Variants in DROSHA observed in about 807,000 individuals in gnomAD.
The protein encoded by DROSHA is drosha ribonuclease III, also known as ribonuclease 3.
Under a neutral mutation model 181.9 loss-of-function variants are expected in DROSHA, and 56 were observed. That is an observed-to-expected ratio of 0.31 (90% CI 0.25 to 0.38). DROSHA has a LOEUF of 0.38. Ranked by LOEUF, DROSHA falls within the 10% of genes least tolerant of loss-of-function variation. DROSHA has a pLI of 1.00. For synonymous variants in DROSHA, 524 were observed against 591.2 expected, an observed-to-expected ratio of 0.89 and a Z score of 1.65; for missense variants, 1,218 against 1,743.5, an observed-to-expected ratio of 0.70 and a Z score of 5.37.
rs1318147647 is a variant in DROSHA at position 31,448,611 on chromosome 5, TTTAAAA to T, written c.2822-10_2822-5del. On this transcript the variant is annotated splice_polypyrimidine_tract_variant and splice_region_variant and intron_variant, in intron 22 of 35. Coordinates refer to ENST00000344624, the MANE Select transcript of DROSHA (RefSeq NM_001382508.1). ...ATATTTATCAAGGTGTTAATCCCTATTTAAAATAAAAAACAAATACACAAGTAAATA... is the reference window on the plus strand; with the variant it reads ...ATATTTATCAAGGTGTTAATCCCTATTAAAAAACAAATACACAAGTAAATA... The T allele has an allele frequency of 6.2e-7, 1 of 1,611,838 alleles. No individual in the cohort carries two copies. The highest frequency in any genetic ancestry group is 8.5e-7 in the Non-Finnish European group (1 of 1,178,428).
Position 31,521,170 on chromosome 5 carries a change from T to C in DROSHA, c.900A>G (p.Ser300=). 4.3e-6 allele frequency: 7 copies of C among 1,613,736 alleles called. No individual in the cohort carries two copies. The highest frequency in any genetic ancestry group is 5.9e-6 in the Non-Finnish European group (7 of 1,179,674). ...TTTTGTAGGACCTTTCCAGAGATGG[T>C]GATCTTCGGTTGTCTCGATGCCTGT... ...ERHRHRDNRR[S]PSLERSYKKE... is the part of the protein sequence containing the mutation. The change falls in exon 6 of 36, where the codon TCA becomes TCG. Residue 300 remains serine, a synonymous_variant. Transcript: ENST00000344624.
At position 31,504,537 on chromosome 5, in the gene DROSHA, A is replaced by G. The variant is rs1737679798; in HGVS notation, c.1668+18T>C. On this transcript the variant is annotated intron_variant, in intron 11 of 35. Transcript: ENST00000344624. ...TGGCTTCTCAGCATTTACAAACATA[A>G]TAACCCAAACCAGTTACCTCTTCTC... 1.1e-5 allele frequency: 17 copies of G among 1,613,560 alleles called. No homozygotes were observed. The highest frequency in any genetic ancestry group is 1.3e-5 in the African/African-American group (1 of 74,914).
chr5:31,404,068 C>G (rs1409238239), intron 35 of DROSHA, among the ~76,000 whole-genome samples: 1 of 151,038 alleles, frequency 6.6e-6, no homozygotes, highest in African/African-American at 2.5e-5. Context: ...TAAGTGCATG[C>G]CACCAAGCCT....
At chr5:31,479,774 T>G (rs1367916684) in intron 16 of DROSHA, among the ~76,000 whole-genome samples, 1 of 152,132 alleles carries the variant, frequency 6.6e-6, no homozygotes, top group Non-Finnish European at 1.5e-5. Flanking sequence ...TATATTTGAA[T>G]AGCATATGTA....
At chr5:31,436,764 ACACACACACAC>A (rs1744873021) in intron 24 of DROSHA, among the ~76,000 whole-genome samples, 1 of 143,040 alleles carries the variant, frequency 7.0e-6, no homozygotes, top group Non-Finnish European at 1.5e-5. Flanking sequence ...ACACACACAC[ACACACACACAC>A]ACACACACAC....
intron 5 of DROSHA, among the ~76,000 whole-genome samples, chr5:31,524,134 G>A (rs1740251255): frequency 6.6e-6 from 1 of 152,124 alleles, no homozygotes; most frequent in Non-Finnish European, 1.5e-5. Context: ...CCAGAAATGA[G>A]TCATCCCTAC....
chr5:31,486,364 T>C (rs1751754549), intron 14 of DROSHA, 127 bp downstream of exon 14: 5 of 875,314 alleles, frequency 5.7e-6, no homozygotes, highest in South Asian at 3.7e-5. Flanking sequence ...CTTTCAACAG[T>C]GAATATGATA....
intron 30 of DROSHA, among the ~76,000 whole-genome samples, chr5:31,420,333 A>G (rs1457131940): frequency 1.3e-5 from 2 of 152,174 alleles, no homozygotes; most frequent in African/African-American, 2.4e-5. Flanking sequence ...TGCTTTCTCA[A>G]TGTCCAGTCC....
chr5:31,459,194 A>G (rs1258395912), intron 20 of DROSHA, among the ~76,000 whole-genome samples: 1 of 152,212 alleles, frequency 6.6e-6, no homozygotes, highest in Non-Finnish European at 1.5e-5. Flanking sequence ...AGTTCATTAT[A>G]CTTTTCTCTT....
At chr5:31,495,417 T>C (rs777780485) in intron 11 of DROSHA, 45 bp from the exon 12 acceptor site, 1 of 1,537,810 alleles carries the variant, frequency 6.5e-7, no homozygotes, top group Admixed American at 1.8e-5. Context: ...AAAGCAAGAG[T>C]ACTTTTACTT....
chr5:31,514,238 C>T lies in DROSHA; in HGVS notation c.1290+750G>A, dbSNP rs1739024292. On this transcript the variant is annotated intron_variant, in intron 8 of 35. Transcript: ENST00000344624. This position sits in a 1 kb window ranked among gnomAD's most constrained non-coding sequence, Gnocchi z 4.4. ...TTTCATTTTGGAGAAAACACACACA[C>T]ACACACACACACACACACACACATA... 6.7e-6 allele frequency among the ~76,000 whole-genome samples: 1 copy of T among 149,004 alleles called. No homozygotes were observed. The highest frequency in any genetic ancestry group is 2.1e-4 in the South Asian group (1 of 4,756).
At chr5:31,449,873 C>A (rs1746754457) in intron 21 of DROSHA, among the ~76,000 whole-genome samples, 1 of 152,106 alleles carries the variant, frequency 6.6e-6, no homozygotes, top group Non-Finnish European at 1.5e-5. Flanking sequence ...AAACAGACAA[C>A]CTTCAGAATG....
At chr5:31,484,843 C>A (rs1328844785) in intron 15 of DROSHA, 38 bp downstream of exon 15, 2 of 1,399,538 alleles carry the variant, frequency 1.4e-6, no homozygotes, top group Admixed American at 4.7e-5. Context: ...AATGTTCTTC[C>A]ATAAACACTA....
chr5:31,424,491 C>CT lies in DROSHA; in HGVS notation c.3217-21dup. 6.3e-7 allele frequency: 1 copy of CT among 1,582,804 alleles called. No individual in the cohort carries two copies. Among genetic ancestry groups the CT allele is most frequent in the Non-Finnish European group, 8.6e-7 (1 of 1,163,934 alleles). ...CAGGTCCTGGAAAATGGAGTGATGC[C>CT]TTTAATGCTCAAGGGAGCCATTTAA... is the stretch of plus-strand genomic sequence containing the variant. On this transcript the variant is annotated intron_variant, in intron 27 of 35. Coordinates refer to ENST00000344624, the MANE Select transcript of DROSHA (RefSeq NM_001382508.1).
At chr5:31,419,512 T>C (rs1001635513) in intron 30 of DROSHA, among the ~76,000 whole-genome samples, 1 of 132,066 alleles carries the variant, frequency 7.6e-6, no homozygotes, top group African/African-American at 2.9e-5. Context: ...CTCTAGATCA[T>C]GGACAGGACT....
rs747828080 is a variant in DROSHA, at chr5:31,406,909, G to T, written c.3891C>A (p.Thr1297=). ...CCTTGAAATAAACAGCCACAGTGTAGGTTCGGGCATGGGATGGGCCCACTG... is the reference window on the plus strand; with the variant it reads ...CCTTGAAATAAACAGCCACAGTGTATGTTCGGGCATGGGATGGGCCCACTG... ...LQTVGPSHAR[T]YTVAVYFKGE... is the part of the protein sequence containing the mutation. The change falls in exon 34 of 36, where the codon ACC becomes ACA. Residue 1297 remains threonine, a synonymous_variant. Transcript: ENST00000344624. The T allele has an allele frequency of 6.2e-7, 1 of 1,613,788 alleles. No individual in the cohort carries two copies. Among genetic ancestry groups the T allele is most frequent in the Non-Finnish European group, 8.5e-7 (1 of 1,179,754 alleles).
intron 27 of DROSHA, 46 bp downstream of exon 27, chr5:31,429,429 T>C: frequency 1.3e-6 from 2 of 1,515,146 alleles, no homozygotes; most frequent in Non-Finnish European, 1.8e-6. Context: ...TAAAATATTC[T>C]GTAATAATAT....
At chr5:31,404,102 A>AT (rs1036499450) in intron 35 of DROSHA, among the ~76,000 whole-genome samples, 1 of 146,414 alleles carries the variant, frequency 6.8e-6, no homozygotes, top group Admixed American at 6.8e-5. Flanking sequence ...TTTTTTTTTA[A>AT]TTTTTTGTCT....
intron 35 of DROSHA, among the ~76,000 whole-genome samples, chr5:31,405,097 T>A (rs1366860942): frequency 1.3e-5 from 2 of 152,238 alleles, no homozygotes; most frequent in East Asian, 3.8e-4. Context: ...CCGGGTGCAG[T>A]GGCTCATGCC....
Sources: allele counts gnomAD v4.1 joint callset (sites outside exome capture counted in the v4.1 genomes callset), GRCh38; gene constraint gnomAD v4.1.1; non-coding constraint Gnocchi (gnomAD v3.1); transcripts MANE v1.5; gene names NCBI Gene and HGNC (gene_info 2026-07-23, HGNC 2026-07-21).